The following TFAP2E variants were observed in gnomAD, a reference collection of about 807,000 sequenced individuals.
The protein encoded by TFAP2E is transcription factor AP-2 epsilon.
In TFAP2E, 30 loss-of-function variants were observed where a neutral mutation model predicts 37.9. That is an observed-to-expected ratio of 0.79 (90% confidence interval 0.59 to 1.07). The LOEUF (loss-of-function observed/expected upper bound fraction) is 1.07, where lower values mean the gene tolerates loss of function less well. Ranked by LOEUF, TFAP2E falls within the 50% of genes least tolerant of loss-of-function variation. The probability of loss-of-function intolerance (pLI) is 0.00; values close to 1 mark genes in which losing one functional copy is unlikely to be tolerated. For missense variants in TFAP2E, 567 were observed against 637.9 expected (o/e 0.89, Z 1.20); for synonymous variants, 318 against 295.8 (o/e 1.08, Z -0.77).
Position 35,574,288 on chromosome 1 carries a change from G to A in TFAP2E, c.389G>A (p.Arg130His), listed in dbSNP as rs1477198023. 7.0e-7 allele frequency: 1 copy of A among 1,437,776 alleles called. No individual in the cohort carries two copies. The highest frequency in any genetic ancestry group is 9.1e-7 in the Non-Finnish European group (1 of 1,099,560). The allele number at this position is 1,437,776 out of a possible 1,614,324, so 89.1% of individuals were successfully genotyped here. A position where few individuals can be genotyped will look rare whatever the true frequency, so the allele number is the denominator to read the frequency against. Residue 130 changes from arginine to histidine, a missense_variant, in exon 2 of 7, where the codon CGT becomes CAT. Arg to His is a conservative substitution (Grantham distance 29). Coordinates refer to ENST00000373235, the MANE Select transcript of TFAP2E (RefSeq NM_178548.4). Reference protein sequence around the residue: ...PARALGLDPRRDYATAVPRLL... With the variant: ...PARALGLDPRHDYATAVPRLL... ...CGCGCCCTGGGCCTTGACCCGCGCC[G>A]TGACTATGCCACTGCCGTGCCCCGG...
intron 6 of TFAP2E, among the ~76,000 whole-genome samples, chr1:35,591,695 T>A (rs1649685898): frequency 1.3e-5 from 2 of 152,222 alleles, no homozygotes; most frequent in African/African-American, 4.8e-5. Context: ...AGTTTTGTTT[T>A]TGTTTTTTGA....
At position 35,573,641 on chromosome 1, in the gene TFAP2E, G is replaced by A. The variant is rs201740082; in HGVS notation, c.27+37G>A. 1,508 of 1,537,220 alleles carry A rather than the reference G, an allele frequency of 9.8e-4. 29 individuals carry two copies. In the East Asian group the frequency reaches 0.031, roughly 31 times the overall value. On this transcript the variant is annotated intron_variant, in intron 1 of 6. Transcript: ENST00000373235. The surrounding 1 kb of genome is among the most constrained non-coding windows in gnomAD (Gnocchi z 5.9). ...CGGGCCCGGGACATATTCGGCCGGG[G>A]GATCGGGGCGCCTGAGTGCTGGACT...
chr1:35,594,979 C>A lies in TFAP2E; in HGVS notation c.*303C>A, dbSNP rs1649790552. ...AAAAGATCTGGCTCATGGGGCAGAGCCCTTTCCATTAGCGTGGCTGGGTGG... is the reference window on the plus strand; with the variant it reads ...AAAAGATCTGGCTCATGGGGCAGAGACCTTTCCATTAGCGTGGCTGGGTGG... On this transcript the variant is annotated 3_prime_UTR_variant, in exon 7 of 7. Transcript: ENST00000373235. 2.4e-6 allele frequency: 1 copy of A among 415,092 alleles called. No individual in the cohort carries two copies. The allele number at this position is 415,092 out of a possible 1,614,324, so 25.7% of individuals were successfully genotyped here.
chr1:35,574,039 C>A lies in TFAP2E; in HGVS notation c.140C>A (p.Ala47Asp), dbSNP rs1285537274. ...PLCHTPAATAAAEFQPPYFPP... is the reference protein window; with the variant it reads ...PLCHTPAATADAEFQPPYFPP... ...TGCCACACGCCGGCCGCCACAGCTG[C>A]CGCCGAATTCCAGCCGCCCTACTTC... The change falls in exon 2 of 7, where the codon GCC becomes GAC. Residue 47 changes from alanine to aspartate, a missense_variant. Coordinates refer to ENST00000373235, the MANE Select transcript of TFAP2E (RefSeq NM_178548.4). 8 of 1,485,108 alleles carry A rather than the reference C, an allele frequency of 5.4e-6. No homozygotes were observed. Among genetic ancestry groups the A allele is most frequent in the Non-Finnish European group, 7.1e-6 (8 of 1,123,344 alleles). 92.0% of individuals were successfully genotyped at this position (1,485,108 alleles called of 1,614,324 possible). A position where few individuals can be genotyped will look rare whatever the true frequency, so the allele number is the denominator to read the frequency against.
chr1:35,574,629 C>A, intron 2 of TFAP2E: 2 of 797,552 alleles, frequency 2.5e-6, no homozygotes, highest in Non-Finnish European at 3.8e-6. Flanking sequence ...GTGGCAGCAA[C>A]CCTCGGCAGG....
At chr1:35,586,452 C>A (rs1450712911) in intron 3 of TFAP2E, among the ~76,000 whole-genome samples, 3 of 152,140 alleles carry the variant, frequency 2.0e-5, no homozygotes, top group African/African-American at 4.8e-5. Flanking sequence ...TTTTTGGCTG[C>A]AGAATGATGC....
chr1:35,575,055 C>T (rs1188593428), intron 3 of TFAP2E, 55 bp downstream of exon 3: 3 of 1,606,700 alleles, frequency 1.9e-6, no homozygotes, highest in Non-Finnish European at 2.6e-6. Flanking sequence ...GCCCTTGGTG[C>T]ACAGATCCAT....
At chr1:35,580,284 G>A (rs2148547963) in intron 3 of TFAP2E, among the ~76,000 whole-genome samples, 1 of 152,278 alleles carries the variant, frequency 6.6e-6, no homozygotes, top group South Asian at 2.1e-4. Flanking sequence ...CAGCAGGGGA[G>A]ATGAGGAGAC....
intron 3 of TFAP2E, among the ~76,000 whole-genome samples, chr1:35,584,470 A>T (rs999305073): frequency 6.6e-6 from 1 of 152,020 alleles, no homozygotes; most frequent in Non-Finnish European, 1.5e-5. Context: ...TCCAACCCCT[A>T]CTTCTGGTGA....
At chr1:35,574,857 G>A in intron 2 of TFAP2E, 92 bp from the exon 3 acceptor site, 3 of 1,576,160 alleles carry the variant, frequency 1.9e-6, no homozygotes, top group Non-Finnish European at 2.6e-6. Context: ...GCCTTGGGCG[G>A]AGCAGACAGA....
chr1:35,573,596 TCCG>T lies in TFAP2E; in HGVS notation c.22_24del (p.Ala8del). The T allele has an allele frequency of 6.5e-7, 1 of 1,539,200 alleles. No homozygotes were observed. The highest frequency in any genetic ancestry group is 8.7e-7 in the Non-Finnish European group (1 of 1,143,020). ...CCGCCCCATGCTGGTGCACACCTAC[TCCG>T]CCATGGTGAGTAGTCTCGGGCCCGG... is the stretch of plus-strand genomic sequence containing the variant. On this transcript the variant is annotated inframe_deletion, in exon 1 of 7. Coordinates refer to ENST00000373235, the MANE Select transcript of TFAP2E (RefSeq NM_178548.4). This position sits in a 1 kb window ranked among gnomAD's most constrained non-coding sequence, Gnocchi z 5.9.
intron 3 of TFAP2E, among the ~76,000 whole-genome samples, chr1:35,583,189 C>G (rs1302474925): frequency 6.6e-6 from 1 of 152,206 alleles, no homozygotes; most frequent in Non-Finnish European, 1.5e-5. Context: ...GAGTCAGCCA[C>G]CACACCTGGC....
Position 35,574,399 on chromosome 1 carries a change from A to G in TFAP2E, c.500A>G (p.Glu167Gly), listed in dbSNP as rs773403160. ...GGGCTGGCGGCGGCCCCCGGTCTGG[A>G]GGACCTGCAGGTGAGACCCGAGGGA... ...LPGLAAAPGL[E>G]DLQAMDEPGM... Residue 167 changes from glutamate to glycine, a missense_variant, in exon 2 of 7, where the codon GAG becomes GGG. Transcript: ENST00000373235. 36 of 1,429,236 alleles carry G rather than the reference A, an allele frequency of 2.5e-5. No homozygotes were observed. The highest frequency in any genetic ancestry group is 3.1e-5 in the Non-Finnish European group (34 of 1,102,736). The allele number at this position is 1,429,236 out of a possible 1,614,324, so 88.5% of individuals were successfully genotyped here.
Position 35,574,237 on chromosome 1 carries a change from C to T in TFAP2E, c.338C>T (p.Pro113Leu), listed in dbSNP as rs1189458522. Reference protein sequence around the residue: ...PRAAARAHEEPPGLLAPPARA... With the variant: ...PRAAARAHEELPGLLAPPARA... Reference sequence around the variant, plus strand: ...GCAGCCGCCCGCGCCCACGAGGAGCCTCCCGGCCTGCTGGCACCGCCCGCC... The same window carrying T: ...GCAGCCGCCCGCGCCCACGAGGAGCTTCCCGGCCTGCTGGCACCGCCCGCC... Residue 113 changes from proline to leucine, a missense_variant, in exon 2 of 7, where the codon CCT becomes CTT. This residue lies in a region of TFAP2E where 312 missense variants were observed against 317.4 expected (regional missense o/e 0.98). Transcript: ENST00000373235. The T allele has an allele frequency of 5.5e-6, 7 of 1,282,742 alleles. No homozygotes were observed. The Admixed American group carries it at 2.0e-4, about 36-fold the overall frequency. 79.5% of individuals were successfully genotyped at this position (1,282,742 alleles called of 1,614,324 possible).
intron 3 of TFAP2E, among the ~76,000 whole-genome samples, chr1:35,586,671 T>C (rs1312367095): frequency 6.6e-6 from 1 of 151,542 alleles, no homozygotes; most frequent in African/African-American, 2.4e-5. Flanking sequence ...TGGGATGTGG[T>C]GATGGATGGG....
In TFAP2E at chr1:35,588,236, A is replaced by G; in HGVS notation, c.563-94A>G. 1 of 1,290,408 alleles carries G rather than the reference A, an allele frequency of 7.7e-7. No homozygotes were observed. Among genetic ancestry groups the G allele is most frequent in the Non-Finnish European group, 1.1e-6 (1 of 944,950 alleles). The allele number at this position is 1,290,408 out of a possible 1,614,324, so 79.9% of individuals were successfully genotyped here. A position where few individuals can be genotyped will look rare whatever the true frequency, so the allele number is the denominator to read the frequency against. ...AGTCACTTTCACCTCACTGTGGCTCAGTTTCTCCCTTCATAAAGCAAGGAT... is the reference window on the plus strand; with the variant it reads ...AGTCACTTTCACCTCACTGTGGCTCGGTTTCTCCCTTCATAAAGCAAGGAT... On this transcript the variant is annotated intron_variant, in intron 3 of 6. Coordinates refer to ENST00000373235, the MANE Select transcript of TFAP2E (RefSeq NM_178548.4). This position sits in a 1 kb window ranked among gnomAD's most constrained non-coding sequence, Gnocchi z 5.1.
chr1:35,594,948 G>A lies in TFAP2E; in HGVS notation c.*272G>A. On this transcript the variant is annotated 3_prime_UTR_variant, in exon 7 of 7. Coordinates refer to ENST00000373235, the MANE Select transcript of TFAP2E (RefSeq NM_178548.4). ...TTGAGAAGGGTTTGGACAGAAAATT[G>A]ACATGAAAAGATCTGGCTCATGGGG... 1 of 505,958 alleles carries A rather than the reference G, an allele frequency of 2.0e-6. No individual in the cohort carries two copies. The highest frequency in any genetic ancestry group is 3.5e-6 in the Non-Finnish European group (1 of 286,050). The allele number at this position is 505,958 out of a possible 1,614,324, so 31.3% of individuals were successfully genotyped here.
chr1:35,591,378 C>T (rs1297147234), intron 6 of TFAP2E, among the ~76,000 whole-genome samples: 2 of 152,150 alleles, frequency 1.3e-5, no homozygotes, highest in African/African-American at 4.8e-5. Flanking sequence ...GTCTGAGGCT[C>T]CCTCTTCTAG....
At chr1:35,591,454 G>A (rs923726221) in intron 6 of TFAP2E, among the ~76,000 whole-genome samples, 1 of 152,100 alleles carries the variant, frequency 6.6e-6, no homozygotes, top group African/African-American at 2.4e-5. Context: ...TGACTGTTCT[G>A]CAAATCCCAT....
Sources: gnomAD v4.1 joint callset for allele counts (sites outside exome capture counted in the v4.1 genomes callset) on GRCh38, gnomAD v4.1.1 for gene constraint, gnomAD v4.1.1 regional missense constraint, Gnocchi (gnomAD v3.1) non-coding constraint, MANE v1.5 for transcripts, NCBI Gene and HGNC (gene_info 2026-07-23, HGNC 2026-07-21) for gene names.